The following ARHGAP10 variants were observed in gnomAD, a reference collection of about 807,000 sequenced individuals.
The protein encoded by ARHGAP10 is rho GTPase-activating protein 10.
A neutral mutation model predicts 108.6 loss-of-function variants in ARHGAP10; 87 were observed. The observed-to-expected ratio is 0.80, with a 90% CI of 0.67 to 0.96. ARHGAP10 has a LOEUF of 0.96. Among genes scored for constraint, ARHGAP10 ranks in the 40% least tolerant of loss-of-function variants. ARHGAP10 has a pLI of 0.00. For synonymous variants in ARHGAP10, 347 were observed against 341.1 expected, an observed-to-expected ratio of 1.02 and a Z score of -0.19; for missense variants, 939 against 954.5, an observed-to-expected ratio of 0.98 and a Z score of 0.21.
At chr4:147,950,934 C>A (rs1002210373) in intron 15 of ARHGAP10, among the ~76,000 whole-genome samples, 2 of 151,928 alleles carry the variant, frequency 1.3e-5, no homozygotes, top group Non-Finnish European at 1.5e-5. Context: ...AGGGAAATGC[C>A]AGCTTAGATA....
At chr4:147,911,503 C>T (rs879307957) in intron 12 of ARHGAP10, among the ~76,000 whole-genome samples, 3 of 152,186 alleles carry the variant, frequency 2.0e-5, no homozygotes, top group Non-Finnish European at 4.4e-5. Context: ...ACTGGGACTA[C>T]AGGTGCCCAC....
rs140645848 is a variant in ARHGAP10 at position 147,736,051 on chromosome 4, CA to C, written c.154+3597del. Among the ~76,000 whole-genome samples, 1,432 of 152,096 alleles carry C rather than the reference CA, an allele frequency of 9.4e-3. 15 individuals are homozygous for C. The highest frequency in any genetic ancestry group is 0.033 in the African/African-American group (1,360 of 41,440). On this transcript the variant is annotated intron_variant, in intron 1 of 22. Coordinates refer to ENST00000336498, the MANE Select transcript of ARHGAP10 (RefSeq NM_024605.4). ...TTTAGAGAAAATTTTTTAAAACTAA[CA>C]GTCCTTACAGTTATTAAGCACTAAT...
At chr4:148,053,766 C>T (rs1462013923) in intron 20 of ARHGAP10, among the ~76,000 whole-genome samples, 1 of 152,198 alleles carries the variant, frequency 6.6e-6, no homozygotes, top group African/African-American at 2.4e-5. Context: ...TGCCTGGCCC[C>T]TTACATGCTT....
chr4:147,923,214 G>C (rs550852218), intron 13 of ARHGAP10, among the ~76,000 whole-genome samples: 1 of 152,246 alleles, frequency 6.6e-6, no homozygotes, highest in African/African-American at 2.4e-5. Flanking sequence ...TAATATATTA[G>C]ACGTAGAAAA....
intron 3 of ARHGAP10, among the ~76,000 whole-genome samples, chr4:147,824,867 C>A (rs977701201): frequency 1.3e-5 from 2 of 152,200 alleles, no homozygotes; most frequent in Non-Finnish European, 2.9e-5. Flanking sequence ...AGGAGCTGTT[C>A]TAAGCTGTTT....
intron 1 of ARHGAP10, among the ~76,000 whole-genome samples, chr4:147,768,550 A>G (rs1489528544): frequency 6.6e-6 from 1 of 152,208 alleles, no homozygotes; most frequent in African/African-American, 2.4e-5. Context: ...TTTACTTACT[A>G]AATTTTCTCT....
intron 13 of ARHGAP10, among the ~76,000 whole-genome samples, chr4:147,927,943 G>T (rs981236476): frequency 6.6e-6 from 1 of 152,178 alleles, no homozygotes; most frequent in Non-Finnish European, 1.5e-5. Flanking sequence ...TTACTCCGTC[G>T]CTTTCCTCTA....
chr4:147,959,116 A>G (rs1738892734), intron 16 of ARHGAP10, among the ~76,000 whole-genome samples: 1 of 152,162 alleles, frequency 6.6e-6, no homozygotes, highest in African/African-American at 2.4e-5. Flanking sequence ...CTTTTTTTGG[A>G]GTACCTTAAA....
intron 18 of ARHGAP10, among the ~76,000 whole-genome samples, chr4:147,989,457 T>G (rs1274520384): frequency 1.3e-5 from 2 of 152,172 alleles, no homozygotes; most frequent in East Asian, 1.9e-4. Context: ...GACTGGAGTT[T>G]ATTTCACCTC....
At chr4:147,733,352 G>A (rs923799001) in intron 1 of ARHGAP10, among the ~76,000 whole-genome samples, 1 of 148,866 alleles carries the variant, frequency 6.7e-6, no homozygotes, top group African/African-American at 2.6e-5. Flanking sequence ...GCCCCAGTGA[G>A]GAGCTGGGCA....
At chr4:147,972,917 G>A (rs1387916275) in intron 18 of ARHGAP10, among the ~76,000 whole-genome samples, 2 of 152,036 alleles carry the variant, frequency 1.3e-5, no homozygotes, top group African/African-American at 4.8e-5. Context: ...ACCATGCCTG[G>A]CTAATTTTGT....
At chr4:147,910,658 C>T (rs573444763) in intron 12 of ARHGAP10, among the ~76,000 whole-genome samples, 1 of 152,150 alleles carries the variant, frequency 6.6e-6, no homozygotes, top group South Asian at 2.1e-4. Context: ...TGAAACATGC[C>T]CAGCTCTGTA....
intron 1 of ARHGAP10, among the ~76,000 whole-genome samples, chr4:147,755,019 T>G (rs1579003929): frequency 6.6e-6 from 1 of 151,458 alleles, no homozygotes; most frequent in African/African-American, 2.4e-5. Context: ...GAAATGGAGG[T>G]TGCAGTGAAC....
intron 14 of ARHGAP10, among the ~76,000 whole-genome samples, chr4:147,943,669 C>T (rs1444229252): frequency 1.3e-5 from 2 of 152,186 alleles, no homozygotes; most frequent in Non-Finnish European, 2.9e-5. Flanking sequence ...ATAAAGTGTC[C>T]TTCCTTGGTC....
chr4:147,800,073 T>G (rs1460399609), intron 1 of ARHGAP10, among the ~76,000 whole-genome samples: 1 of 152,142 alleles, frequency 6.6e-6, no homozygotes, highest in Non-Finnish European at 1.5e-5. Context: ...TTTGTCTGCT[T>G]GGTGGTTAGA....
At chr4:148,041,855 C>A (rs1259494625) in intron 19 of ARHGAP10, among the ~76,000 whole-genome samples, 1 of 152,172 alleles carries the variant, frequency 6.6e-6, no homozygotes, top group Non-Finnish European at 1.5e-5. Context: ...AACAACAAAA[C>A]AACAACAATA....
chr4:147,961,479 T>C (rs913386730), intron 16 of ARHGAP10, among the ~76,000 whole-genome samples: 4 of 152,330 alleles, frequency 2.6e-5, no homozygotes, highest in African/African-American at 9.6e-5. Flanking sequence ...TTTAGTACTT[T>C]GTACTAAGGT....
intron 19 of ARHGAP10, among the ~76,000 whole-genome samples, chr4:148,027,972 T>C (rs969967312): frequency 6.6e-6 from 1 of 152,160 alleles, no homozygotes; most frequent in African/African-American, 2.4e-5. Flanking sequence ...TGCATATCAA[T>C]TGAAGAGCTT....
intron 3 of ARHGAP10, among the ~76,000 whole-genome samples, chr4:147,840,989 C>A (rs1733390466): frequency 6.6e-6 from 1 of 152,238 alleles, no homozygotes; most frequent in Non-Finnish European, 1.5e-5. Flanking sequence ...GCCTGACCTA[C>A]CTTGCTTCCT....
Sources: gnomAD v4.1 joint callset for allele counts (sites outside exome capture counted in the v4.1 genomes callset) on GRCh38, gnomAD v4.1.1 for gene constraint, MANE v1.5 for transcripts, NCBI Gene and HGNC (gene_info 2026-07-23, HGNC 2026-07-21) for gene names.